The following USH2A variants were observed in gnomAD, a reference collection of about 807,000 sequenced individuals.
USH2A encodes the protein usherin, also known as Usher syndrome 2A (autosomal recessive, mild).
A neutral mutation model predicts 538.9 loss-of-function variants in USH2A; 443 were observed. The ratio of observed to expected loss-of-function variants is 0.82; its 90% CI spans 0.76 to 0.89. The LOEUF (loss-of-function observed/expected upper bound fraction) is 0.89, where lower values mean the gene tolerates loss of function less well. USH2A is among the 40% of genes least tolerant of loss of function. The pLI, the probability that USH2A is intolerant of heterozygous loss-of-function variation, is 0.00. For synonymous variants in USH2A, 2,413 were observed against 2,273.5 expected, an observed-to-expected ratio of 1.06 and a Z score of -1.75; for missense variants, 6,633 against 6,324.8, an observed-to-expected ratio of 1.05 and a Z score of -1.65.
intron 3 of USH2A, among the ~76,000 whole-genome samples, chr1:216,399,310 C>G (rs188369265): frequency 5.5e-4 from 84 of 152,278 alleles, no homozygotes; most frequent in Non-Finnish European, 1.0e-3. Context: ...CACAAGACCA[C>G]ATGAGGTGGT....
At chr1:215,883,630 A>T (rs73090771) in intron 41 of USH2A, among the ~76,000 whole-genome samples, 25,023 of 151,948 alleles carry the variant, frequency 0.16, 2,524 homozygotes, top group East Asian at 0.3. Context: ...TCGGGCTGGT[A>T]TCATTTTTTA....
intron 35 of USH2A, among the ~76,000 whole-genome samples, chr1:215,981,223 T>C (rs1002700060): frequency 6.6e-6 from 1 of 152,150 alleles, no homozygotes; most frequent in Non-Finnish European, 1.5e-5. Context: ...CATTTAATTT[T>C]TCTTCTTTTG....
intron 61 of USH2A, among the ~76,000 whole-genome samples, chr1:215,726,671 T>C (rs1417142870): frequency 6.6e-6 from 1 of 152,208 alleles, no homozygotes; most frequent in African/African-American, 2.4e-5. Flanking sequence ...TATTTGTTCT[T>C]ATTGAGGGTT....
intron 3 of USH2A, among the ~76,000 whole-genome samples, chr1:216,414,387 G>C (rs1001759161): frequency 2.0e-5 from 3 of 152,044 alleles, no homozygotes; most frequent in Non-Finnish European, 4.4e-5. Flanking sequence ...TAAAAGCTGT[G>C]AGATTCATTA....
At chr1:216,163,105 CACTGTTGCTATATATTGGCTACAAAT>C (rs923631710) in intron 21 of USH2A, among the ~76,000 whole-genome samples, 14 of 151,828 alleles carry the variant, frequency 9.2e-5, no homozygotes, top group Non-Finnish European at 1.5e-4. Context: ...AATAGCTCTG[CACTGTTGCTATATATTGGCTACAAAT>C]AGGTGTTTCA....
rs12073994 is a variant in USH2A, at chr1:215,779,931, G to T, written c.10851C>A (p.Asn3617Lys). The T allele has an allele frequency of 2.8e-5, 45 of 1,613,914 alleles. No individual in the cohort carries two copies. The highest frequency in any genetic ancestry group is 5.0e-5 in the Admixed American group (3 of 59,986). Reference sequence around the variant, plus strand: ...TGATCTGGTACTCTTTAATGACGCCGTTTGATTTCTCAGGGACACTCCAGC... The same window carrying T: ...TGATCTGGTACTCTTTAATGACGCCTTTTGATTTCTCAGGGACACTCCAGC... ...HLSWSVPEKS[N>K]GVIKEYQIRQ... is the part of the protein sequence containing the mutation. The change falls in exon 55 of 72, where the codon AAC (asparagine) becomes AAA (lysine). Residue 3617 changes from asparagine to lysine, a missense_variant. Asn to Lys is a moderately conservative substitution (Grantham distance 94). Coordinates refer to ENST00000307340, the MANE Select transcript of USH2A (RefSeq NM_206933.4).
At position 216,292,657 on chromosome 1, in the gene USH2A, A is replaced by G. The variant is rs542187391; in HGVS notation, c.1645-287T>C. On this transcript the variant is annotated intron_variant, in intron 9 of 71. Coordinates refer to ENST00000307340, the MANE Select transcript of USH2A (RefSeq NM_206933.4). The stretch of plus-strand genomic sequence containing the variant: ...TAGTAGGTGTATGTATTTATAGGCT[A>G]CATGGGATGTTTTGAAAAAGAGATA... 4.6e-5 allele frequency among the ~76,000 whole-genome samples: 7 copies of G among 152,224 alleles called. No individual in the cohort carries two copies. In the South Asian group the frequency reaches 8.3e-4, roughly 18 times the overall value.
intron 19 of USH2A, among the ~76,000 whole-genome samples, chr1:216,191,176 TA>T: frequency 6.6e-6 from 1 of 152,052 alleles, no homozygotes; most frequent in East Asian, 1.9e-4. Flanking sequence ...ATTCAGAAAA[TA>T]AAAGTCATTA....
intron 21 of USH2A, among the ~76,000 whole-genome samples, chr1:216,152,011 C>A (rs1447496947): frequency 2.0e-5 from 3 of 152,104 alleles, no homozygotes; most frequent in Non-Finnish European, 1.5e-5. Flanking sequence ...AACATCCCCA[C>A]AATATCACAC....
At chr1:215,980,660 C>G (rs939588942) in intron 35 of USH2A, among the ~76,000 whole-genome samples, 1 of 152,044 alleles carries the variant, frequency 6.6e-6, no homozygotes, top group Non-Finnish European at 1.5e-5. Flanking sequence ...CATCCCTTAA[C>G]AACATAATTA....
At chr1:216,323,066 T>C (rs2102652252) in intron 8 of USH2A, among the ~76,000 whole-genome samples, 1 of 152,072 alleles carries the variant, frequency 6.6e-6, no homozygotes, top group South Asian at 2.1e-4. Flanking sequence ...ACTTAAAAAC[T>C]CTCTGGTGCT....
intron 61 of USH2A, among the ~76,000 whole-genome samples, chr1:215,711,712 T>C (rs534895638): frequency 2.0e-5 from 3 of 152,308 alleles, no homozygotes; most frequent in African/African-American, 4.8e-5. Flanking sequence ...ATAAATAGCA[T>C]ATACTGTTAA....
At chr1:216,293,370 T>C (rs1238096061) in intron 9 of USH2A, among the ~76,000 whole-genome samples, 1 of 152,198 alleles carries the variant, frequency 6.6e-6, no homozygotes, top group Non-Finnish European at 1.5e-5. Flanking sequence ...TTTCTAAGTT[T>C]GAATCAGCTT....
intron 38 of USH2A, chr1:215,901,435 A>T (rs1333883805): frequency 1.0e-5 from 2 of 198,112 alleles, no homozygotes; most frequent in East Asian, 2.6e-4. Context: ...AATAAACATG[A>T]ATGGCTGAAT....
chr1:216,077,894 G>C (rs1002277994), intron 27 of USH2A, among the ~76,000 whole-genome samples, 195 bp downstream of exon 27: 1 of 151,914 alleles, frequency 6.6e-6, no homozygotes, highest in African/African-American at 2.4e-5. Context: ...ATGGCACATT[G>C]TTAAGGGTAA....
At chr1:215,729,331 C>A (rs1659925235) in intron 60 of USH2A, among the ~76,000 whole-genome samples, 1 of 152,178 alleles carries the variant, frequency 6.6e-6, no homozygotes, top group Admixed American at 6.5e-5. Context: ...TTAGATGCCA[C>A]TTAATTTCTC....
chr1:215,799,853 G>T (rs750028106), intron 49 of USH2A, among the ~76,000 whole-genome samples: 12 of 152,184 alleles, frequency 7.9e-5, no homozygotes, highest in Non-Finnish European at 1.6e-4. Flanking sequence ...AGGCTTGGTG[G>T]TGCATGCCTG....
intron 40 of USH2A, among the ~76,000 whole-genome samples, chr1:215,897,772 TG>T (rs1665388709): frequency 6.9e-6 from 1 of 144,564 alleles, no homozygotes; most frequent in East Asian, 2.1e-4. Context: ...AGAAAGAAAG[TG>T]AAAGAGAGAG....
intron 49 of USH2A, among the ~76,000 whole-genome samples, chr1:215,813,120 C>A (rs149308373): frequency 1.3e-5 from 2 of 152,318 alleles, no homozygotes; most frequent in African/African-American, 4.8e-5. Flanking sequence ...TTATTAGCAT[C>A]ATTCCCAATT....
Sources: gnomAD v4.1 joint callset for allele counts (sites outside exome capture counted in the v4.1 genomes callset) on GRCh38, gnomAD v4.1.1 for gene constraint, MANE v1.5 for transcripts, NCBI Gene and HGNC (gene_info 2026-07-23, HGNC 2026-07-21) for gene names.